The following COL6A5 variants were observed in gnomAD, a reference collection of about 807,000 sequenced individuals.
The protein encoded by COL6A5 is collagen type VI alpha 5 chain.
In COL6A5, 48 loss-of-function variants were observed where a neutral mutation model predicts 65.6. That is an observed-to-expected ratio of 0.73 (90% confidence interval 0.58 to 0.93). The LOEUF is 0.93. Among genes scored for constraint, COL6A5 ranks in the 40% least tolerant of loss-of-function variants. The probability of loss-of-function intolerance (pLI) is 0.00; values close to 1 mark genes in which losing one functional copy is unlikely to be tolerated. For synonymous variants in COL6A5, 291 were observed against 322.8 expected (o/e 0.90, Z 1.05); for missense variants, 914 against 928.3 (o/e 0.98, Z 0.20).
intron 7 of COL6A5, among the ~76,000 whole-genome samples, chr3:130,475,349 A>C (rs1008939586): frequency 5.3e-5 from 8 of 152,108 alleles, no homozygotes; most frequent in African/African-American, 1.9e-4. Flanking sequence ...ATAAAGAAAA[A>C]AAATATTGAA....
At chr3:130,368,525 A>ATG (rs1185481355) in intron 1 of COL6A5, among the ~76,000 whole-genome samples, 1 of 150,372 alleles carries the variant, frequency 6.7e-6, no homozygotes, top group East Asian at 2.1e-4. Context: ...GTCGGTGTGT[A>ATG]TGTGTGAGTG....
chr3:130,357,537 A>G (rs186226538), intron 1 of COL6A5, among the ~76,000 whole-genome samples: 46 of 152,348 alleles, frequency 3.0e-4, no homozygotes, highest in African/African-American at 9.9e-4. Flanking sequence ...CCTTTGAACA[A>G]TAATGCAAAA....
At chr3:130,472,128 C>T (rs532853229) in intron 7 of COL6A5, among the ~76,000 whole-genome samples, 1 of 152,108 alleles carries the variant, frequency 6.6e-6, no homozygotes, top group South Asian at 2.1e-4. Context: ...ATTCGAATTA[C>T]AAGCAGGTAT....
rs375567738 is a variant in COL6A5 at position 130,385,098 on chromosome 3, T to C, written c.1595T>C (p.Ile532Thr). 95 of 1,550,796 alleles carry C rather than the reference T, an allele frequency of 6.1e-5. No homozygotes were observed. Among genetic ancestry groups the C allele is most frequent in the Admixed American group, 1.2e-4 (6 of 50,936 alleles). ...GCTCTGGATTACATACTGCAAATAA[T>C]AAAAAATGGAATGAAGGATAGAATG... Residue 532 changes from isoleucine (I) to threonine (T), a missense_variant and NMD_transcript_variant, in exon 5 of 42, where the codon ATA becomes ACA. Transcript: ENST00000312481.
At chr3:130,374,355 A>C (rs779771431) in intron 2 of COL6A5, among the ~76,000 whole-genome samples, 4 of 152,194 alleles carry the variant, frequency 2.6e-5, no homozygotes, top group Non-Finnish European at 5.9e-5. Context: ...GTAAGGAGTT[A>C]TATATCTAAA....
At chr3:130,346,094 C>T in intron 1 of COL6A5, 113 bp downstream of exon 1, 1 of 397,684 alleles carries the variant, frequency 2.5e-6, no homozygotes, top group Non-Finnish European at 4.4e-6. Context: ...CCTGTTGACG[C>T]CCCCAAATCT....
chr3:130,404,712 G>C (rs559161669), intron 13 of COL6A5, among the ~76,000 whole-genome samples: 1 of 152,312 alleles, frequency 6.6e-6, no homozygotes, highest in East Asian at 1.9e-4. Context: ...TGTGGCCATG[G>C]GCAAGGCCTC....
At chr3:130,393,287 C>T (rs1936468888) in intron 7 of COL6A5, among the ~76,000 whole-genome samples, 1 of 152,054 alleles carries the variant, frequency 6.6e-6, no homozygotes, top group Non-Finnish European at 1.5e-5. Context: ...TCCAGCCCAC[C>T]ACTGTGCCTG....
At chr3:130,370,401 A>G (rs1348610545) in intron 1 of COL6A5, among the ~76,000 whole-genome samples, 2 of 152,098 alleles carry the variant, frequency 1.3e-5, no homozygotes, top group African/African-American at 4.8e-5. Context: ...CTTCCCCTGA[A>G]TAACTACAGG....
intron 4 of COL6A5, among the ~76,000 whole-genome samples, chr3:130,383,248 A>T (rs1936069556): frequency 6.6e-6 from 1 of 152,054 alleles, no homozygotes; most frequent in African/African-American, 2.4e-5. Context: ...CTTGAAATGT[A>T]GCTAGTGTAC....
chr3:130,466,614 G>A (rs913294401), intron 5 of COL6A5, among the ~76,000 whole-genome samples: 28 of 151,684 alleles, frequency 1.8e-4, no homozygotes, highest in Non-Finnish European at 3.5e-4. Context: ...AGAAAATAAT[G>A]AAAATAAAGT....
rs1248950125 is a variant in COL6A5 at position 130,421,134 on chromosome 3, A to T, written c.4951-19A>T. On this transcript the variant is annotated intron_variant and NMD_transcript_variant, in intron 25 of 41. Transcript: ENST00000312481. ...TTTCCACCTTTGAGAAATTGAAAAA[A>T]ACTGGTGTGTTTACACAGGGAGATT... is the stretch of plus-strand genomic sequence containing the variant. 6.5e-7 allele frequency: 1 copy of T among 1,549,458 alleles called. No individual in the cohort carries two copies. The highest frequency in any genetic ancestry group is 2.4e-5 in the East Asian group (1 of 40,882).
chr3:130,397,803 T>C (rs1296322572), exon 9 of COL6A5: 1 of 1,551,506 alleles, frequency 6.4e-7, no homozygotes, highest in East Asian at 2.4e-5. Context: ...TCCAAATCTA[T>C]CAGAAAGCAG....
intron 1 of COL6A5, 102 bp downstream of exon 33, chr3:130,432,051 C>T (rs1008295020): frequency 2.6e-5 from 32 of 1,216,862 alleles, no homozygotes; most frequent in Non-Finnish European, 3.6e-5. Flanking sequence ...TATGTGGCCT[C>T]TTGAAAACTC....
intron 7 of COL6A5, among the ~76,000 whole-genome samples, chr3:130,472,941 G>A (rs1709995971): frequency 6.8e-6 from 1 of 146,944 alleles, no homozygotes; most frequent in Non-Finnish European, 1.5e-5. Flanking sequence ...TTAGATATGG[G>A]TATAATTGTA....
At chr3:130,398,759 G>T (rs1292161301) in intron 10 of COL6A5, among the ~76,000 whole-genome samples, 3 of 152,134 alleles carry the variant, frequency 2.0e-5, no homozygotes, top group Non-Finnish European at 2.9e-5. Flanking sequence ...CAAAAGCCTG[G>T]CACTCTTGCT....
Position 130,471,679 on chromosome 3 carries a change from C to T in COL6A5, c.2328+712C>T, listed in dbSNP as rs925027836. On this transcript the variant is annotated intron_variant, in intron 7 of 7. Coordinates refer to ENST00000512836, the Ensembl canonical transcript of COL6A5. ...TTTTTATCTCTCTTCTCTATTACCTCAGACTTCTTCCTGGGATATATGAAA... is the reference window on the plus strand; with the variant it reads ...TTTTTATCTCTCTTCTCTATTACCTTAGACTTCTTCCTGGGATATATGAAA... The T allele has an allele frequency of 8.5e-6, 13 of 1,534,036 alleles. No homozygotes were observed. The African/African-American group carries it at 1.8e-4, about 21-fold the overall frequency.
intron 5 of COL6A5, among the ~76,000 whole-genome samples, chr3:130,456,886 C>T (rs1045477238): frequency 4.6e-5 from 7 of 151,834 alleles, no homozygotes; most frequent in Admixed American, 1.3e-4. Context: ...TATAAATACT[C>T]GAACCTTATC....
intron 4 of COL6A5, among the ~76,000 whole-genome samples, chr3:130,447,822 A>G (rs1256454863): frequency 1.4e-4 from 6 of 43,236 alleles, no homozygotes; most frequent in Non-Finnish European, 6.8e-4. Flanking sequence ...TGTCTGTAGG[A>G]CCCATATAAC....
Sources: gnomAD v4.1 joint callset for allele counts (sites outside exome capture counted in the v4.1 genomes callset) on GRCh38, gnomAD v4.1.1 for gene constraint, MANE v1.5 for transcripts, NCBI Gene and HGNC (gene_info 2026-07-23, HGNC 2026-07-21) for gene names.